MGST2: variants seen among roughly 807,000 people sequenced by gnomAD.
The protein encoded by MGST2 is glutathione peroxidase MGST2.
MGST2 carries 9 observed loss-of-function variants against 16.6 expected under a neutral mutation model. The ratio of observed to expected loss-of-function variants is 0.54; its 90% CI spans 0.33 to 0.95. The LOEUF (loss-of-function observed/expected upper bound fraction) is 0.95. Ranked by LOEUF, MGST2 falls within the 40% of genes least tolerant of loss-of-function variation. The pLI is 0.03. For synonymous variants in MGST2, 79 were observed against 68.0 expected, an observed-to-expected ratio of 1.16 and a Z score of -0.79; for missense variants, 159 against 175.1, an observed-to-expected ratio of 0.91 and a Z score of 0.52.
Position 139,702,262 on chromosome 4 carries a change from C to T in MGST2, c.230-1193C>T, listed in dbSNP as rs556537002. 2.2e-3 allele frequency among the ~76,000 whole-genome samples: 339 copies of T among 152,282 alleles called. 1 individual carries two copies. Among genetic ancestry groups the T allele is most frequent in the Middle Eastern group, 0.017 (5 of 294 alleles). On this transcript the variant is annotated intron_variant, in intron 3 of 4. Transcript: ENST00000265498. ...CAATGAATGTTGAGAAGTACACACA[C>T]CTGTGTGGTCCAGATCTCTATCAAG...
intron 2 of MGST2, among the ~76,000 whole-genome samples, chr4:139,682,698 A>T (rs936381588): frequency 6.6e-6 from 1 of 152,134 alleles, no homozygotes; most frequent in African/African-American, 2.4e-5. Context: ...GCATTGGTAG[A>T]AGCAGAAAAT....
At chr4:139,723,418 C>A (rs1728336981) in intron 5 of MGST2, among the ~76,000 whole-genome samples, 1 of 152,204 alleles carries the variant, frequency 6.6e-6, no homozygotes, top group Non-Finnish European at 1.5e-5. Context: ...TCAAGCAATT[C>A]TCCTGCCCCA....
At chr4:139,745,084 G>GACTT (rs747979409), downstream of MGST2, among the ~76,000 whole-genome samples, 55 of 152,336 alleles carry the variant, frequency 3.6e-4, no homozygotes, top group Non-Finnish European at 6.5e-4. Flanking sequence ...GATTAGCAGG[G>GACTT]ACTTGACTGA....
At chr4:139,722,323 G>A (rs345980) in intron 5 of MGST2, among the ~76,000 whole-genome samples, 140,515 of 152,254 alleles carry the variant, frequency 0.92, 64,966 homozygotes, top group East Asian at 1. Flanking sequence ...TTCACCTAAG[G>A]GAAATAAAAG....
chr4:139,747,722 A>G, the MGST2 span, among the ~76,000 whole-genome samples: 4 of 151,270 alleles, frequency 2.6e-5, no homozygotes, highest in Admixed American at 6.6e-5. Context: ...TTCCTTGCAC[A>G]CATCATTTGA....
chr4:139,678,416 ATCTG>A, intron 1 of MGST2, 123 bp from the exon 2 acceptor site: 1 of 752,892 alleles, frequency 1.3e-6, no homozygotes, highest in Admixed American at 2.0e-5. Context: ...AATTGCTATC[ATCTG>A]TCTTTTTGAT....
At chr4:139,691,222 A>C (rs1726562109) in intron 2 of MGST2, among the ~76,000 whole-genome samples, 1 of 152,204 alleles carries the variant, frequency 6.6e-6, no homozygotes, top group Admixed American at 6.5e-5. Flanking sequence ...CCCTGTTCTC[A>C]CAGGAAGGGA....
chr4:139,685,551 C>T (rs906036067), intron 2 of MGST2: 10 of 152,158 alleles, frequency 6.6e-5, no homozygotes, highest in African/African-American at 2.4e-4. Flanking sequence ...TGGGTTCAAT[C>T]TGCCATGTTT....
chr4:139,671,006 A>C (rs1330159436), intron 1 of MGST2, among the ~76,000 whole-genome samples: 6 of 152,016 alleles, frequency 3.9e-5, no homozygotes, highest in South Asian at 2.1e-4. Context: ...TGGCCTAATG[A>C]GATTTGATGG....
At chr4:139,731,027 C>T (rs759114196) in intron 5 of MGST2, 19 of 259,028 alleles carry the variant, frequency 7.3e-5, no homozygotes, top group South Asian at 3.6e-4. Context: ...GTCTGGAACA[C>T]GAGACACATC....
chr4:139,690,600 T>C (rs1267141617), intron 2 of MGST2, among the ~76,000 whole-genome samples: 1 of 152,202 alleles, frequency 6.6e-6, no homozygotes, highest in Non-Finnish European at 1.5e-5. Flanking sequence ...TGGGAGCTCC[T>C]GGGTGTGGGC....
At chr4:139,749,750 C>G in the MGST2 span, among the ~76,000 whole-genome samples, 4 of 152,314 alleles carry the variant, frequency 2.6e-5, no homozygotes, top group South Asian at 4.1e-4. Flanking sequence ...TGGTACCAAA[C>G]AGGAGCTCTC....
intron 5 of MGST2, among the ~76,000 whole-genome samples, chr4:139,734,323 G>A (rs1414779907): frequency 6.6e-6 from 1 of 152,162 alleles, no homozygotes; most frequent in Non-Finnish European, 1.5e-5. Flanking sequence ...CTTTCGTCAT[G>A]CGAGATGTAA....
chr4:139,709,071 A>AATTTTTTTTTTTTTTTTTT (rs755140695), downstream of MGST2, among the ~76,000 whole-genome samples: 2 of 81,970 alleles, frequency 2.4e-5, no homozygotes, highest in East Asian at 4.9e-4. Context: ...AATGGAAAAA[A>AATTTTTTTTTTTTTTTTTT]TTTTTTTTTT....
At chr4:139,743,929 T>C (rs1419976498), downstream of MGST2, among the ~76,000 whole-genome samples, 2 of 152,220 alleles carry the variant, frequency 1.3e-5, no homozygotes, top group African/African-American at 4.8e-5. Flanking sequence ...TACAGGGTGC[T>C]GAGAGCTCAC....
At chr4:139,751,975 T>A in the MGST2 span, among the ~76,000 whole-genome samples, 1 of 152,232 alleles carries the variant, frequency 6.6e-6, no homozygotes, top group Non-Finnish European at 1.5e-5. Context: ...CATTTATTAC[T>A]ACTATGGTCT....
chr4:139,703,689 A>G (rs1727398148), intron 4 of MGST2, among the ~76,000 whole-genome samples, 153 bp downstream of exon 4: 1 of 152,232 alleles, frequency 6.6e-6, no homozygotes, highest in African/African-American at 2.4e-5. Flanking sequence ...CAGTTCATAC[A>G]CAATTAGGCA....
the MGST2 span, among the ~76,000 whole-genome samples, chr4:139,750,713 T>C: frequency 9.2e-5 from 14 of 152,328 alleles, no homozygotes; most frequent in African/African-American, 3.1e-4. Context: ...ACTTTCTTTG[T>C]ATATTCTACC....
intron 5 of MGST2, among the ~76,000 whole-genome samples, chr4:139,736,291 A>C (rs1579376655): frequency 6.6e-6 from 1 of 152,326 alleles, no homozygotes; most frequent in East Asian, 1.9e-4. Flanking sequence ...GATACTATTG[A>C]AAGTTTTATT....
Sources: allele counts gnomAD v4.1 joint callset (sites outside exome capture counted in the v4.1 genomes callset), GRCh38; gene constraint gnomAD v4.1.1; transcripts MANE v1.5; gene names NCBI Gene and HGNC (gene_info 2026-07-23, HGNC 2026-07-21).